ROR2: variants seen among roughly 807,000 people sequenced by gnomAD.
The protein encoded by ROR2 is ROR family WNT receptor 2, also known as tyrosine-protein kinase transmembrane receptor ROR2.
A neutral mutation model predicts 74.9 loss-of-function variants in ROR2; 33 were observed. The ratio of observed to expected loss-of-function variants is 0.44; its 90% CI spans 0.33 to 0.59. ROR2 has a LOEUF of 0.59. Among genes scored for constraint, ROR2 ranks in the 20% least tolerant of loss-of-function variants. ROR2 has a pLI of 0.02. For missense variants in ROR2, 1,216 were observed against 1,313.8 expected (o/e 0.93, Z 1.15); for synonymous variants, 586 against 558.7 (o/e 1.05, Z -0.69).
At chr9:91,742,805 C>G (rs914302521) in intron 4 of ROR2, among the ~76,000 whole-genome samples, 7 of 152,246 alleles carry the variant, frequency 4.6e-5, no homozygotes, top group African/African-American at 1.7e-4. Flanking sequence ...GACTTACTCA[C>G]TGACTCACCA....
intron 1 of ROR2, among the ~76,000 whole-genome samples, chr9:91,828,205 T>C (rs538996453): frequency 5.3e-5 from 8 of 152,376 alleles, no homozygotes; most frequent in Admixed American, 4.6e-4. Context: ...TATTGTTTGG[T>C]GAAGTTTTTA....
chr9:91,724,847 C>A lies in ROR2; in HGVS notation c.1647G>T (p.Leu549=). ...LLGVVTKDQP[L]SMIFSYCSHG... ...GCGAACAGTAGCTGAAGATCATGCT[C>A]AGGGGCTGGTCCTTGGTCACCACGC... The change falls in exon 9 of 9, where the codon CTG becomes CTT. Residue 549 remains leucine, a synonymous_variant. Transcript: ENST00000375708. The A allele has an allele frequency of 1.2e-6, 2 of 1,603,214 alleles. No homozygotes were observed. The highest frequency in any genetic ancestry group is 1.7e-6 in the Non-Finnish European group (2 of 1,173,146).
chr9:91,941,066 C>T (rs569880142), intron 1 of ROR2, among the ~76,000 whole-genome samples: 91 of 146,618 alleles, frequency 6.2e-4, no homozygotes, highest in African/African-American at 2.2e-3. Flanking sequence ...GGCGCTATCT[C>T]GGCTCACTGC....
intron 1 of ROR2, among the ~76,000 whole-genome samples, chr9:91,926,154 G>C (rs1000264605): frequency 2.6e-4 from 39 of 152,140 alleles, no homozygotes; most frequent in African/African-American, 9.4e-4. Context: ...GGCCGAGGCG[G>C]GAGGATCATG....
At chr9:91,898,053 C>T (rs545243278) in intron 1 of ROR2, among the ~76,000 whole-genome samples, 23 of 152,228 alleles carry the variant, frequency 1.5e-4, no homozygotes, top group African/African-American at 4.6e-4. Flanking sequence ...GAGAACCCCT[C>T]GGGCCACACC....
chr9:91,861,917 T>C (rs1829479475), intron 1 of ROR2, among the ~76,000 whole-genome samples: 1 of 152,190 alleles, frequency 6.6e-6, no homozygotes, highest in Non-Finnish European at 1.5e-5. Flanking sequence ...CCCAAATTCT[T>C]ATCCCTAATG....
At position 91,813,537 on chromosome 9, in the gene ROR2, G is replaced by C. The variant is rs529257609; in HGVS notation, c.98-37719C>G. The stretch of plus-strand genomic sequence containing the variant: ...GAGGGCAAAGTGGGAGTCAAGAAAG[G>C]GGCTTTGTGAAAACTGAAACTAGGC... On this transcript the variant is annotated intron_variant, in intron 1 of 8. Transcript: ENST00000375708. Among the ~76,000 whole-genome samples, 7 of 152,252 alleles carry C rather than the reference G, an allele frequency of 4.6e-5. 1 individual carries two copies. In the South Asian group the frequency reaches 1.5e-3, roughly 32 times the overall value.
rs113031996 is a variant in ROR2 at position 91,733,558 on chromosome 9, G to T, written c.623-122C>A. 2.1e-6 allele frequency: 2 copies of T among 955,726 alleles called. No homozygotes were observed. The highest frequency in any genetic ancestry group is 2.9e-6 in the Non-Finnish European group (2 of 700,446). The allele number at this position is 955,726 out of a possible 1,614,324, so 59.2% of individuals were successfully genotyped here. On this transcript the variant is annotated intron_variant, in intron 5 of 8. Transcript: ENST00000375708. The surrounding 1 kb of genome is among the most constrained non-coding windows in gnomAD (Gnocchi z 5.7). Reference sequence around the variant, plus strand: ...ACTCAGCCCCCTGATGCCCCGCCCCGCCCCAGACTCCCCAACCCCGAGCCC... The same window carrying T: ...ACTCAGCCCCCTGATGCCCCGCCCCTCCCCAGACTCCCCAACCCCGAGCCC...
chr9:91,862,817 C>T (rs1328586786), intron 1 of ROR2, among the ~76,000 whole-genome samples: 4 of 152,200 alleles, frequency 2.6e-5, no homozygotes, highest in African/African-American at 9.6e-5. Context: ...GTTGTTTAAG[C>T]CCCCCAGTCT....
intron 1 of ROR2, among the ~76,000 whole-genome samples, chr9:91,926,820 GGTT>G (rs1831416046): frequency 6.6e-6 from 1 of 152,080 alleles, no homozygotes; most frequent in Admixed American, 6.6e-5. Flanking sequence ...GGAGAATTGG[GGTT>G]GCCAGGAACT....
chr9:91,902,324 C>T (rs1006825170), intron 1 of ROR2, among the ~76,000 whole-genome samples: 1 of 152,184 alleles, frequency 6.6e-6, no homozygotes, highest in African/African-American at 2.4e-5. Context: ...AAGTAAACTT[C>T]CCCTTCGCTG....
intron 2 of ROR2, among the ~76,000 whole-genome samples, chr9:91,771,228 G>A (rs528710852): frequency 5.3e-5 from 8 of 152,238 alleles, no homozygotes; most frequent in Non-Finnish European, 1.0e-4. Flanking sequence ...GACACAGCTC[G>A]CCGGGTCTAT....
At chr9:91,790,353 T>C (rs560114897) in intron 1 of ROR2, among the ~76,000 whole-genome samples, 2 of 140,030 alleles carry the variant, frequency 1.4e-5, no homozygotes, top group East Asian at 4.2e-4. Flanking sequence ...AAAAAAAAAA[T>C]ACAAAAATTA....
intron 1 of ROR2, among the ~76,000 whole-genome samples, chr9:91,931,615 C>G (rs1831551286): frequency 6.6e-6 from 1 of 152,016 alleles, no homozygotes; most frequent in Non-Finnish European, 1.5e-5. Context: ...AATTTTAAGC[C>G]ATTTAAAAAA....
chr9:91,766,561 G>T (rs1320963139), intron 2 of ROR2, among the ~76,000 whole-genome samples: 1 of 152,220 alleles, frequency 6.6e-6, no homozygotes, highest in Admixed American at 6.5e-5. Flanking sequence ...AAGCGGGAAA[G>T]AAAGCTCTCT....
At chr9:91,815,335 G>A (rs942382448) in intron 1 of ROR2, among the ~76,000 whole-genome samples, 47 of 152,144 alleles carry the variant, frequency 3.1e-4, no homozygotes, top group Admixed American at 3.0e-3. Context: ...ATTACAGAGC[G>A]GTATAGCTTC....
chr9:91,949,761 G>A (rs1236861432), intron 1 of ROR2, 106 bp downstream of exon 1: 10 of 761,872 alleles, frequency 1.3e-5, no homozygotes, highest in South Asian at 1.0e-4. Context: ...CCTCGTTCAG[G>A]AGCATGGGCG....
At chr9:91,909,541 G>A (rs886156428) in intron 1 of ROR2, among the ~76,000 whole-genome samples, 5 of 147,886 alleles carry the variant, frequency 3.4e-5, no homozygotes, top group African/African-American at 7.6e-5. Context: ...TGGTAGAGAC[G>A]GGGTCTCACC....
At chr9:91,789,351 T>G (rs1411540479) in intron 1 of ROR2, among the ~76,000 whole-genome samples, 7 of 152,212 alleles carry the variant, frequency 4.6e-5, no homozygotes, top group African/African-American at 1.7e-4. Flanking sequence ...GGATAGGAAT[T>G]TTATTCACAT....
Sources: gnomAD v4.1 joint callset for allele counts (sites outside exome capture counted in the v4.1 genomes callset) on GRCh38, gnomAD v4.1.1 for gene constraint, Gnocchi (gnomAD v3.1) non-coding constraint, MANE v1.5 for transcripts, NCBI Gene and HGNC (gene_info 2026-07-23, HGNC 2026-07-21) for gene names.